SHQ1: variants seen among roughly 807,000 people sequenced by gnomAD.
The protein encoded by SHQ1 is SHQ1, H/ACA ribonucleoprotein assembly factor, also known as protein SHQ1 homolog.
A neutral mutation model predicts 53.8 loss-of-function variants in SHQ1; 49 were observed. The ratio of observed to expected loss-of-function variants is 0.91; its 90% CI spans 0.72 to 1.16. The LOEUF (loss-of-function observed/expected upper bound fraction) is 1.16, where lower values mean the gene tolerates loss of function less well. Among genes scored for constraint, SHQ1 ranks in the 50% most tolerant of loss-of-function variants. SHQ1 has a pLI of 0.00. For missense variants in SHQ1, 738 were observed against 683.1 expected, an observed-to-expected ratio of 1.08 and a Z score of -0.90; for synonymous variants, 243 against 251.0, an observed-to-expected ratio of 0.97 and a Z score of 0.30.
chr3:72,795,339 C>G (rs1706573374), intron 9 of SHQ1: 1 of 152,186 alleles, frequency 6.6e-6, no homozygotes, highest in Non-Finnish European at 1.5e-5. Flanking sequence ...CACAGGTTAA[C>G]TATGTCAAAT....
chr3:72,780,061 C>A (rs1271082985), intron 10 of SHQ1, among the ~76,000 whole-genome samples: 4 of 152,168 alleles, frequency 2.6e-5, no homozygotes, highest in Non-Finnish European at 5.9e-5. Context: ...CACAGCAAGA[C>A]CCTGCCTCTA....
At chr3:72,769,560 C>A (rs1420064053) in intron 10 of SHQ1, among the ~76,000 whole-genome samples, 1 of 152,188 alleles carries the variant, frequency 6.6e-6, no homozygotes, top group Non-Finnish European at 1.5e-5. Context: ...CATCTTCCCC[C>A]TTTCTTTCTG....
chr3:72,822,126 C>T (rs1223499911), intron 6 of SHQ1, among the ~76,000 whole-genome samples: 1 of 152,230 alleles, frequency 6.6e-6, no homozygotes, highest in African/African-American at 2.4e-5. Context: ...GGTGCAAGAT[C>T]ATATCGCAGG....
intron 4 of SHQ1, among the ~76,000 whole-genome samples, chr3:72,839,509 A>T (rs1708096429): frequency 6.6e-6 from 1 of 152,226 alleles, no homozygotes; most frequent in Non-Finnish European, 1.5e-5. Context: ...TCTTTACAGC[A>T]TTCTACACTT....
At chr3:72,762,013 T>C (rs1705620340) in intron 10 of SHQ1, among the ~76,000 whole-genome samples, 2 of 152,130 alleles carry the variant, frequency 1.3e-5, no homozygotes, top group Admixed American at 1.3e-4. Context: ...AGACAGGCTC[T>C]AGCTCCAGCA....
chr3:72,839,582 G>C (rs1708098920), intron 4 of SHQ1, among the ~76,000 whole-genome samples: 2 of 152,040 alleles, frequency 1.3e-5, no homozygotes, highest in Admixed American at 6.6e-5. Flanking sequence ...AAAGTAGGTG[G>C]GCAAATTTAT....
At chr3:72,787,013 A>G (rs1559671308) in intron 10 of SHQ1, among the ~76,000 whole-genome samples, 1 of 152,236 alleles carries the variant, frequency 6.6e-6, no homozygotes, top group Non-Finnish European at 1.5e-5. Context: ...AAGAATCTAA[A>G]GCAATCATAA....
chr3:72,813,861 G>A (rs1707215883), intron 8 of SHQ1, among the ~76,000 whole-genome samples: 1 of 145,836 alleles, frequency 6.9e-6, no homozygotes, highest in South Asian at 2.1e-4. Context: ...CTGGACATGG[G>A]TAATACAAGA....
the SHQ1 span, among the ~76,000 whole-genome samples, chr3:72,728,790 C>G: frequency 1.3e-5 from 2 of 152,196 alleles, no homozygotes; most frequent in Non-Finnish European, 2.9e-5. Flanking sequence ...AGAAGGTGCC[C>G]TTTCAGTGTA....
intron 10 of SHQ1, among the ~76,000 whole-genome samples, chr3:72,764,405 C>G (rs1705674590): frequency 6.6e-6 from 1 of 152,142 alleles, no homozygotes; most frequent in Non-Finnish European, 1.5e-5. Context: ...GAAAGCCAGA[C>G]TTGACAACAG....
Position 72,848,308 on chromosome 3 carries a change from A to G in SHQ1, c.33T>C (p.Asp11=), listed in dbSNP as rs146220182. The G allele has an allele frequency of 1.5e-5, 24 of 1,613,962 alleles. No individual in the cohort carries two copies. Among genetic ancestry groups the G allele is most frequent in the South Asian group, 2.2e-5 (2 of 91,088 alleles). ...GGATGGCGATAGTCAGGAAGTCCGG[A>G]TCCTGGCTGAGGTCGAACGCCGGGG... is the stretch of plus-strand genomic sequence containing the variant. The part of the protein sequence containing the change: MLTPAFDLSQ[D]PDFLTIAIRV... The change falls in exon 1 of 11, where the codon GAT becomes GAC. Residue 11 remains aspartate, a synonymous_variant. Transcript: ENST00000325599.
chr3:72,748,329 C>CAAAAAAAA (rs572927520), downstream of SHQ1, among the ~76,000 whole-genome samples: 54 of 58,792 alleles, frequency 9.2e-4, 12 homozygotes, highest in Non-Finnish European at 1.2e-3. Context: ...ATGAGGCATG[C>CAAAAAAAA]AAAAAAAAAA....
intron 10 of SHQ1, among the ~76,000 whole-genome samples, chr3:72,755,668 G>C (rs1025685844): frequency 2.6e-5 from 4 of 152,096 alleles, no homozygotes; most frequent in African/African-American, 9.7e-5. Flanking sequence ...TGAAAGAGTA[G>C]CTGTTTTGTT....
chr3:72,735,968 T>A, the SHQ1 span, among the ~76,000 whole-genome samples: 1 of 152,108 alleles, frequency 6.6e-6, no homozygotes, highest in South Asian at 2.1e-4. Context: ...TCCAGAAAGG[T>A]TTTCCTCACA....
chr3:72,760,448 G>C (rs1186622948), intron 10 of SHQ1, among the ~76,000 whole-genome samples: 1 of 152,196 alleles, frequency 6.6e-6, no homozygotes, highest in Non-Finnish European at 1.5e-5. Flanking sequence ...CTATGCTAGA[G>C]AGATCCACTG....
intron 5 of SHQ1, among the ~76,000 whole-genome samples, chr3:72,827,218 T>TTC (rs1259638937): frequency 6.6e-6 from 1 of 152,140 alleles, no homozygotes; most frequent in Non-Finnish European, 1.5e-5. Flanking sequence ...CGACTCCTGC[T>TTC]TGGGATAGGT....
intron 6 of SHQ1, among the ~76,000 whole-genome samples, chr3:72,821,252 T>C (rs1371596982): frequency 6.6e-6 from 1 of 152,172 alleles, no homozygotes; most frequent in Non-Finnish European, 1.5e-5. Flanking sequence ...ATGTCCCTGC[T>C]AGGAAGTTCA....
chr3:72,813,735 T>A (rs1189005162), intron 8 of SHQ1, among the ~76,000 whole-genome samples: 2 of 126,116 alleles, frequency 1.6e-5, no homozygotes, highest in African/African-American at 6.3e-5. Flanking sequence ...CACTCCAGCC[T>A]AGGTGACAGA....
At chr3:72,736,974 G>T in the SHQ1 span, among the ~76,000 whole-genome samples, 16 of 150,758 alleles carry the variant, frequency 1.1e-4, no homozygotes, top group African/African-American at 2.9e-4. Flanking sequence ...AAATCTAAGG[G>T]TACTGTAGGG....
Sources: allele counts gnomAD v4.1 joint callset (sites outside exome capture counted in the v4.1 genomes callset), GRCh38; gene constraint gnomAD v4.1.1; transcripts MANE v1.5; gene names NCBI Gene and HGNC (gene_info 2026-07-23, HGNC 2026-07-21).